ATP6V0E1: variants seen among roughly 807,000 people sequenced by gnomAD.
The protein encoded by ATP6V0E1 is ATPase H+ transporting V0 subunit e1, also known as V-type proton ATPase subunit e 1.
In ATP6V0E1, 4 loss-of-function variants were observed where a neutral mutation model predicts 11.6. The ratio of observed to expected loss-of-function variants is 0.35; its 90% confidence interval spans 0.17 to 0.79. ATP6V0E1 has a LOEUF of 0.79. ATP6V0E1 is among the 30% of genes least tolerant of loss of function. The probability of loss-of-function intolerance (pLI) is 0.54; values close to 1 mark genes in which losing one functional copy is unlikely to be tolerated. For missense variants in ATP6V0E1, 105 were observed against 100.0 expected (o/e 1.05, Z -0.21); for synonymous variants, 36 against 34.8 (o/e 1.04, Z -0.13).
At chr5:173,022,438 A>C (rs1378991673) in intron 3 of ATP6V0E1, among the ~76,000 whole-genome samples, 1 of 152,100 alleles carries the variant, frequency 6.6e-6, no homozygotes, top group East Asian at 1.9e-4. Context: ...TTTTAGTTGA[A>C]ATGGCAAATG....
chr5:173,013,574 C>CAAAAAA (rs35084966), intron 2 of ATP6V0E1, among the ~76,000 whole-genome samples: 5 of 61,622 alleles, frequency 8.1e-5, no homozygotes, highest in Non-Finnish European at 1.1e-4. Context: ...GACTCCATCT[C>CAAAAAA]AAAAAAAAAA....
chr5:172,995,057 G>A (rs17075487), intron 2 of ATP6V0E1, among the ~76,000 whole-genome samples: 2,190 of 152,280 alleles, frequency 0.014, 22 homozygotes, highest in South Asian at 0.04. Flanking sequence ...TAAGTAGCTG[G>A]AAATTATGAT....
intron 3 of ATP6V0E1, among the ~76,000 whole-genome samples, chr5:173,028,909 G>A (rs1756601365): frequency 6.6e-6 from 1 of 152,314 alleles, no homozygotes; most frequent in African/African-American, 2.4e-5. Context: ...TGCTACCATG[G>A]AATCTCCTTG....
intron 3 of ATP6V0E1, among the ~76,000 whole-genome samples, chr5:173,030,508 T>G (rs1317933915): frequency 1.1e-4 from 17 of 151,530 alleles, no homozygotes; most frequent in Admixed American, 1.1e-3. Flanking sequence ...TGGCATGATC[T>G]TGGCTTACTG....
In ATP6V0E1 at chr5:173,022,206, C is replaced by A. The variant is rs1253699590; in HGVS notation, c.*36+1839C>A. 3.9e-5 allele frequency among the ~76,000 whole-genome samples: 6 copies of A among 152,210 alleles called. No individual in the cohort carries two copies. The East Asian group carries it at 1.2e-3, about 29-fold the overall frequency. ...TTAAATGGAAGTTAGCTTTAAATGCCTTGACTAGATTTAGGTTCAAGTTTT... is the reference window on the plus strand; with the variant it reads ...TTAAATGGAAGTTAGCTTTAAATGCATTGACTAGATTTAGGTTCAAGTTTT... On this transcript the variant is annotated intron_variant, in intron 3 of 3. Coordinates refer to ENST00000519374, the MANE Select transcript of ATP6V0E1 (RefSeq NM_003945.4).
chr5:172,998,536 G>C (rs187535957), intron 2 of ATP6V0E1, among the ~76,000 whole-genome samples: 21 of 151,414 alleles, frequency 1.4e-4, no homozygotes, highest in Non-Finnish European at 2.8e-4. Context: ...GCTTGAACCC[G>C]GGAGGTGGAT....
At chr5:173,014,237 G>A (rs1016597759) in intron 2 of ATP6V0E1, among the ~76,000 whole-genome samples, 3 of 151,172 alleles carry the variant, frequency 2.0e-5, no homozygotes, top group Admixed American at 2.0e-4. Flanking sequence ...TTTATACACT[G>A]TTAGTGAGAA....
chr5:173,002,965 C>T (rs1159136269), intron 2 of ATP6V0E1, among the ~76,000 whole-genome samples: 1 of 151,330 alleles, frequency 6.6e-6, no homozygotes, highest in Non-Finnish European at 1.5e-5. Context: ...GCAGAAGGAT[C>T]GCTTGGGCTC....
chr5:173,005,281 T>C (rs1023490353), intron 2 of ATP6V0E1, among the ~76,000 whole-genome samples: 1 of 152,222 alleles, frequency 6.6e-6, no homozygotes, highest in Non-Finnish European at 1.5e-5. Context: ...ATGTCCAGCC[T>C]CATGGGATCT....
chr5:173,021,344 C>T (rs747826916), intron 3 of ATP6V0E1, among the ~76,000 whole-genome samples: 3 of 152,112 alleles, frequency 2.0e-5, no homozygotes, highest in African/African-American at 4.8e-5. Flanking sequence ...CACAGTTCCT[C>T]GTGGCTGGGG....
In ATP6V0E1 at chr5:173,034,706, A is replaced by G; in HGVS notation, c.*344A>G. ...ATTTGAAGATGGCTCCTGCCTTCTC[A>G]CGTGGGAATCAGTGAAGTGTTTAGA... is the stretch of plus-strand genomic sequence containing the variant. On this transcript the variant is annotated 3_prime_UTR_variant, in exon 4 of 4. Coordinates refer to ENST00000519374, the MANE Select transcript of ATP6V0E1 (RefSeq NM_003945.4). 1 of 464,606 alleles carries G rather than the reference A, an allele frequency of 2.2e-6. No homozygotes were observed. Among genetic ancestry groups the G allele is most frequent in the Non-Finnish European group, 3.9e-6 (1 of 255,100 alleles). 28.8% of individuals were successfully genotyped at this position (464,606 alleles called of 1,614,324 possible).
At chr5:172,989,133 A>G (rs1755942342) in intron 1 of ATP6V0E1, among the ~76,000 whole-genome samples, 1 of 152,200 alleles carries the variant, frequency 6.6e-6, no homozygotes, top group Non-Finnish European at 1.5e-5. Context: ...CAGAAAATAG[A>G]GACCAAGCCT....
chr5:173,026,648 G>A (rs1406682501), intron 3 of ATP6V0E1, among the ~76,000 whole-genome samples: 1 of 152,098 alleles, frequency 6.6e-6, no homozygotes, highest in Non-Finnish European at 1.5e-5. Flanking sequence ...GGTGTATAGA[G>A]ATGTTTCTCA....
intron 2 of ATP6V0E1, among the ~76,000 whole-genome samples, chr5:173,010,771 C>T (rs73803701): frequency 0.022 from 3,294 of 152,294 alleles, 123 homozygotes; most frequent in African/African-American, 0.074. Context: ...GGCCAGACTT[C>T]CCCATTCCAG....
intron 3 of ATP6V0E1, chr5:173,021,063 A>C (rs1401966873): frequency 1.3e-5 from 5 of 384,810 alleles, no homozygotes. Context: ...CTGTATAAAC[A>C]TGACACCCGT....
chr5:172,998,145 A>G (rs1756095266), intron 2 of ATP6V0E1, among the ~76,000 whole-genome samples: 1 of 148,212 alleles, frequency 6.7e-6, no homozygotes, highest in Admixed American at 6.8e-5. Context: ...ATGTTGTTTG[A>G]CTGTTTAAAC....
chr5:173,011,947 A>T (rs1429887466), intron 2 of ATP6V0E1, among the ~76,000 whole-genome samples: 2 of 151,992 alleles, frequency 1.3e-5, no homozygotes, highest in African/African-American at 4.8e-5. Context: ...GTCAGGAGGT[A>T]GTCAGAGGGG....
chr5:172,994,629 C>A, intron 1 of ATP6V0E1, 146 bp from the exon 2 acceptor site: 1 of 644,526 alleles, frequency 1.6e-6, no homozygotes, highest in Non-Finnish European at 2.6e-6. Context: ...CCGCAGTTTG[C>A]TGGATATTTG....
intron 3 of ATP6V0E1, among the ~76,000 whole-genome samples, chr5:173,021,404 A>AG (rs1475011500): frequency 2.0e-5 from 3 of 152,020 alleles, no homozygotes. Flanking sequence ...ACATGGTAGC[A>AG]GCAAGAGAGA....
Sources: allele counts gnomAD v4.1 joint callset (sites outside exome capture counted in the v4.1 genomes callset), GRCh38; gene constraint gnomAD v4.1.1; transcripts MANE v1.5; gene names NCBI Gene and HGNC (gene_info 2026-07-23, HGNC 2026-07-21).